The following OR2G6 variants were observed in gnomAD, a reference collection of about 807,000 sequenced individuals.
The protein encoded by OR2G6 is olfactory receptor 2G6.
For synonymous variants in OR2G6, 183 were observed against 155.2 expected (o/e 1.18, Z -1.33); for missense variants, 457 against 391.3 (o/e 1.17, Z -1.42).
In OR2G6 at chr1:248,522,149, T is replaced by C. The variant is rs201104680; in HGVS notation, c.503T>C (p.Leu168Pro). Residue 168 changes from leucine to proline, a missense_variant, in exon 2 of 2, where the codon CTC (leucine) becomes CCC (proline). Coordinates refer to ENST00000641804, the MANE Select transcript of OR2G6 (RefSeq NM_001013355.2). ...TGCTCCCTCACTGTGCAGCTGCCCC[T>C]CTGTGGTCATCGCACACTGGATCAT... ...IQCSLTVQLPLCGHRTLDHIF... is the reference protein window; with the variant it reads ...IQCSLTVQLPPCGHRTLDHIF... 2 of 1,614,152 alleles carry C rather than the reference T, an allele frequency of 1.2e-6. No homozygotes were observed. The highest frequency in any genetic ancestry group is 2.2e-5 in the South Asian group (2 of 91,076).
chr1:248,525,149 AGTTT>A lies in OR2G6; in HGVS notation c.*2553_*2556del, dbSNP rs1664369281. ...TTCCCTATAATTGAATAACATGAGT[AGTTT>A]CTCTTTTTTAAATACCTACATTGAG... On this transcript the variant is annotated 3_prime_UTR_variant, in exon 2 of 2. Transcript: ENST00000641804. The A allele has an allele frequency of 6.6e-6, 1 of 152,064 alleles. No individual in the cohort carries two copies. Among genetic ancestry groups the A allele is most frequent in the East Asian group, 1.9e-4 (1 of 5,204 alleles). 9.4% of individuals were successfully genotyped at this position (152,064 alleles called of 1,614,324 possible).
At chr1:248,521,544 C>A in intron 1 of OR2G6, 67 bp from the exon 2 acceptor site, 1 of 799,338 alleles carries the variant, frequency 1.3e-6, no homozygotes, top group Non-Finnish European at 2.1e-6. Context: ...GATAATTATA[C>A]TGTAAACGAC....
Position 248,521,725 on chromosome 1 carries a change from C to G in OR2G6, c.79C>G (p.Leu27Val), listed in dbSNP as rs1423594963. 6.2e-7 allele frequency: 1 copy of G among 1,614,134 alleles called. No individual in the cohort carries two copies. The highest frequency in any genetic ancestry group is 1.1e-5 in the South Asian group (1 of 91,074). ...AGATCAGCCTCAGCTAGAGAGGTTT[C>G]TTTTTGCCATCATTTTGTACTTCTA... is the stretch of plus-strand genomic sequence containing the variant. ...FSDQPQLERF[L>V]FAIILYFYVL... Residue 27 changes from leucine (L) to valine (V), a missense_variant, in exon 2 of 2, where the codon CTT (leucine) becomes GTT (valine). Coordinates refer to ENST00000641804, the MANE Select transcript of OR2G6 (RefSeq NM_001013355.2).
rs1664387619 is a variant in OR2G6 at position 248,526,023 on chromosome 1, AAAAAG to A, written c.*3431_*3435del. On this transcript the variant is annotated 3_prime_UTR_variant, in exon 2 of 2. Transcript: ENST00000641804. ...ACAGAGCAAGACTCCATCTCAAAAA[AAAAAG>A]AAAAAAATGTATATGTTATCACTTT... The A allele has an allele frequency of 6.6e-6, 1 of 151,898 alleles. No homozygotes were observed. Among genetic ancestry groups the A allele is most frequent in the African/African-American group, 2.4e-5 (1 of 41,330 alleles). The allele number at this position is 151,898 out of a possible 1,614,324, so 9.4% of individuals were successfully genotyped here. A position where few individuals can be genotyped will look rare whatever the true frequency, so the allele number is the denominator to read the frequency against.
At chr1:248,510,554 TG>T (rs1664221047) in intron 1 of OR2G6, among the ~76,000 whole-genome samples, 1 of 61,764 alleles carries the variant, frequency 1.6e-5, no homozygotes, top group African/African-American at 7.2e-5. Context: ...CACTATATTG[TG>T]GAAAAGAGAA....
In OR2G6 at chr1:248,526,072, A is replaced by G. The variant is rs751868905; in HGVS notation, c.*3475A>G. ...TCACTTTGGTCTCATTTGAGTATGA[A>G]TGATCAGACAGGGAAAATAAAAGTA... On this transcript the variant is annotated 3_prime_UTR_variant, in exon 2 of 2. Transcript: ENST00000641804. 6.6e-6 allele frequency: 1 copy of G among 152,210 alleles called. No individual in the cohort carries two copies. Among genetic ancestry groups the G allele is most frequent in the Non-Finnish European group, 1.5e-5 (1 of 68,040 alleles). The allele number at this position is 152,210 out of a possible 1,614,324, so 9.4% of individuals were successfully genotyped here. A position where few individuals can be genotyped will look rare whatever the true frequency, so the allele number is the denominator to read the frequency against.
rs1373173650 is a variant in OR2G6, at chr1:248,526,973, T to A, written c.*4376T>A. The A allele has an allele frequency of 2.0e-5, 3 of 152,218 alleles. No individual in the cohort carries two copies. The highest frequency in any genetic ancestry group is 4.4e-5 in the Non-Finnish European group (3 of 68,034). The allele number at this position is 152,218 out of a possible 1,614,324, so 9.4% of individuals were successfully genotyped here. ...ACACTCTGATGGTAGTTTCTTTTGCTGTGCAGAAGCTCTTTAGTTTAATTA... is the reference window on the plus strand; with the variant it reads ...ACACTCTGATGGTAGTTTCTTTTGCAGTGCAGAAGCTCTTTAGTTTAATTA... On this transcript the variant is annotated 3_prime_UTR_variant, in exon 2 of 2. Transcript: ENST00000641804.
At position 248,522,010 on chromosome 1, in the gene OR2G6, C is replaced by A. The variant is rs201095356; in HGVS notation, c.364C>A (p.Arg122Ser). 1 of 1,614,146 alleles carries A rather than the reference C, an allele frequency of 6.2e-7. No homozygotes were observed. Among genetic ancestry groups the A allele is most frequent in the Non-Finnish European group, 8.5e-7 (1 of 1,180,020 alleles). The change falls in exon 2 of 2, where the codon CGC becomes AGC. Residue 122 changes from arginine to serine, a missense_variant. Arg to Ser is a moderately radical substitution (Grantham distance 110). Transcript: ENST00000641804. The stretch of plus-strand genomic sequence containing the variant: ...TCTCTTGGCCGTCATGGCTTATGAC[C>A]GCTATGCTGCTGTCTGCCGGCCACT... ...CILLAVMAYD[R>S]YAAVCRPLRY... is the part of the protein sequence containing the mutation.
At position 248,522,502 on chromosome 1, in the gene OR2G6, A is replaced by C. The variant is rs1350664247; in HGVS notation, c.856A>C (p.Asn286His). The C allele has an allele frequency of 2.5e-6, 4 of 1,613,956 alleles. No individual in the cohort carries two copies. Among genetic ancestry groups the C allele is most frequent in the Non-Finnish European group, 3.4e-6 (4 of 1,179,986 alleles). Residue 286 changes from asparagine to histidine, a missense_variant, in exon 2 of 2, where the codon AAC (asparagine) becomes CAC (histidine). Coordinates refer to ENST00000641804, the MANE Select transcript of OR2G6 (RefSeq NM_001013355.2). ...LFYTIVTPLL[N>H]PIIYTLRNKD... Reference sequence around the variant, plus strand: ...CTATACCATAGTCACCCCACTTTTAAACCCCATTATCTACACTCTGAGAAA... The same window carrying C: ...CTATACCATAGTCACCCCACTTTTACACCCCATTATCTACACTCTGAGAAA...
chr1:248,522,492 C>T lies in OR2G6; in HGVS notation c.846C>T (p.Thr282=), dbSNP rs144767509. 4,864 of 1,613,578 alleles carry T rather than the reference C, an allele frequency of 3.0e-3. 21 individuals are homozygous for T. The highest frequency in any genetic ancestry group is 0.012 in the Middle Eastern group (71 of 6,058). Residue 282 remains threonine, a synonymous_variant, in exon 2 of 2, where the codon ACC becomes ACT. Transcript: ENST00000641804. ...TTTCTCTTTTCTATACCATAGTCAC[C>T]CCACTTTTAAACCCCATTATCTACA... ...KFVSLFYTIV[T]PLLNPIIYTL... is the part of the protein sequence containing the mutation.
rs777711887 is a variant in OR2G6, at chr1:248,521,702, A to G, written c.56A>G (p.Asp19Gly). The G allele has an allele frequency of 6.2e-7, 1 of 1,614,118 alleles. No individual in the cohort carries two copies. The highest frequency in any genetic ancestry group is 1.1e-5 in the South Asian group (1 of 91,064). The change falls in exon 2 of 2, where the codon GAT (aspartate) becomes GGT (glycine). Residue 19 changes from aspartate to glycine, a missense_variant. Physicochemically the swap from Asp to Gly is moderately conservative, Grantham distance 94. Transcript: ENST00000641804. ...GGATTTCTTCTCCTGGGATTTTCAG[A>G]TCAGCCTCAGCTAGAGAGGTTTCTT... ...EKGFLLLGFS[D>G]QPQLERFLFA...
rs1165296676 is a variant in OR2G6 at position 248,523,390 on chromosome 1, G to GATTGATTA, written c.*795_*802dup. 3 of 152,220 alleles carry GATTGATTA rather than the reference G, an allele frequency of 2.0e-5. No homozygotes were observed. Among genetic ancestry groups the GATTGATTA allele is most frequent in the Non-Finnish European group, 4.4e-5 (3 of 68,002 alleles). 9.4% of individuals were successfully genotyped at this position (152,220 alleles called of 1,614,324 possible). ...CAAATAAGCAAACTTGAATTAAGGA[G>GATTGATTA]ATTGATTAAAAGTTGAGTAAAATTG... On this transcript the variant is annotated 3_prime_UTR_variant, in exon 2 of 2. Coordinates refer to ENST00000641804, the MANE Select transcript of OR2G6 (RefSeq NM_001013355.2).
In OR2G6 at chr1:248,522,021, T is replaced by C; in HGVS notation, c.375T>C (p.Ala125=). Residue 125 remains alanine (A), a synonymous_variant, in exon 2 of 2, where the codon GCT becomes GCC. Coordinates refer to ENST00000641804, the MANE Select transcript of OR2G6 (RefSeq NM_001013355.2). ...LAVMAYDRYA[A]VCRPLRYIAI... Reference sequence around the variant, plus strand: ...TCATGGCTTATGACCGCTATGCTGCTGTCTGCCGGCCACTGCGCTACATAG... The same window carrying C: ...TCATGGCTTATGACCGCTATGCTGCCGTCTGCCGGCCACTGCGCTACATAG... 1 of 1,614,216 alleles carries C rather than the reference T, an allele frequency of 6.2e-7. No individual in the cohort carries two copies. The highest frequency in any genetic ancestry group is 1.1e-5 in the South Asian group (1 of 91,084).
Position 248,522,216 on chromosome 1 carries a change from G to A in OR2G6, c.570G>A (p.Val190=), listed in dbSNP as rs1664305513. 2 of 1,614,010 alleles carry A rather than the reference G, an allele frequency of 1.2e-6. No individual in the cohort carries two copies. The highest frequency in any genetic ancestry group is 1.7e-6 in the Non-Finnish European group (2 of 1,180,030). Residue 190 remains valine, a synonymous_variant, in exon 2 of 2, where the codon GTG becomes GTA. Coordinates refer to ENST00000641804, the MANE Select transcript of OR2G6 (RefSeq NM_001013355.2). ...EVPVLIKLAC[V]DTTFNEAELF... is the part of the protein sequence containing the mutation. ...CAGTGCTCATCAAACTGGCCTGTGT[G>A]GATACGACTTTCAACGAGGCAGAAC... is the stretch of plus-strand genomic sequence containing the variant.
chr1:248,520,471 T>C (rs142415855), intron 1 of OR2G6, among the ~76,000 whole-genome samples: 1 of 152,214 alleles, frequency 6.6e-6, no homozygotes, highest in Non-Finnish European at 1.5e-5. Context: ...ACAACTCTTA[T>C]ACATATAGAG....
At position 248,521,874 on chromosome 1, in the gene OR2G6, TGTTGCCCCACA is replaced by T; in HGVS notation, c.234_244del (p.Pro79GlyfsTer5). The T allele has an allele frequency of 6.2e-7, 1 of 1,614,124 alleles. No individual in the cohort carries two copies. Among genetic ancestry groups the T allele is most frequent in the Non-Finnish European group, 8.5e-7 (1 of 1,179,998 alleles). On this transcript the variant is annotated frameshift_variant, in exon 2 of 2. Transcript: ENST00000641804. LOFTEE classifies it low-confidence loss of function (END_TRUNC). ...GTGTGGACATCTGCTTTACCACCAG[TGTTGCCCCACA>T]GTTGCTGGTTACCATGAATAAGAAA...
rs1196293982 is a variant in OR2G6 at position 248,526,057 on chromosome 1, CTCATT to C, written c.*3462_*3466del. 2.6e-5 allele frequency: 4 copies of C among 151,938 alleles called. No homozygotes were observed. Among genetic ancestry groups the C allele is most frequent in the Non-Finnish European group, 4.4e-5 (3 of 67,992 alleles). The allele number at this position is 151,938 out of a possible 1,614,324, so 9.4% of individuals were successfully genotyped here. ...AAAATGTATATGTTATCACTTTGGT[CTCATT>C]TGAGTATGAATGATCAGACAGGGAA... On this transcript the variant is annotated 3_prime_UTR_variant, in exon 2 of 2. Transcript: ENST00000641804.
In OR2G6 at chr1:248,522,273, C is replaced by A. The variant is rs577845149; in HGVS notation, c.627C>A (p.Val209=). 6.2e-7 allele frequency: 1 copy of A among 1,614,138 alleles called. No homozygotes were observed. Among genetic ancestry groups the A allele is most frequent in the South Asian group, 1.1e-5 (1 of 91,084 alleles). ...TGGCCAGTGTAGTCTTTCTAATTGT[C>A]CCGGTGTTACTCATCTTAGTCTCCT... The part of the protein sequence containing the change: ...LFVASVVFLI[V]PVLLILVSYG... The change falls in exon 2 of 2, where the codon GTC becomes GTA. Residue 209 remains valine (V), a synonymous_variant. Transcript: ENST00000641804.
At chr1:248,520,162 A>G (rs1200727406) in intron 1 of OR2G6, among the ~76,000 whole-genome samples, 1 of 152,174 alleles carries the variant, frequency 6.6e-6, no homozygotes. Flanking sequence ...TTTTCAGCAA[A>G]CTAACACAAG....
Sources: allele counts gnomAD v4.1 joint callset (sites outside exome capture counted in the v4.1 genomes callset), GRCh38; gene constraint gnomAD v4.1.1; transcripts MANE v1.5; gene names NCBI Gene and HGNC (gene_info 2026-07-23, HGNC 2026-07-21).